MATR3: variants seen among roughly 807,000 people sequenced by gnomAD.
The protein encoded by MATR3 is matrin 3.
MATR3 carries 4 observed loss-of-function variants against 85.5 expected under a neutral mutation model. The ratio of observed to expected loss-of-function variants is 0.05; its 90% CI spans 0.02 to 0.11. MATR3 has a LOEUF of 0.11. Ranked by LOEUF, MATR3 falls within the 10% of genes least tolerant of loss-of-function variation. The pLI, the probability that MATR3 is intolerant of heterozygous loss-of-function variation, is 1.00. For synonymous variants in MATR3, 336 were observed against 343.1 expected (o/e 0.98, Z 0.23); for missense variants, 685 against 1,016.1 (o/e 0.67, Z 4.43).
chr5:139,326,457 G>A (rs1324374668), intron 14 of MATR3, among the ~76,000 whole-genome samples, 173 bp downstream of exon 14: 1 of 137,364 alleles, frequency 7.3e-6, no homozygotes, highest in Admixed American at 7.5e-5. Flanking sequence ...TTTCTCTCTT[G>A]TTGCCCAGGT....
In MATR3 at chr5:139,317,044, C is replaced by T. The variant is rs760841083; in HGVS notation, c.1130-9C>T. On this transcript the variant is annotated splice_polypyrimidine_tract_variant and intron_variant, in intron 5 of 14. Coordinates refer to ENST00000394805, the MANE Select transcript of MATR3 (RefSeq NM_018834.6). ...ATTACAAGACTGAAAACTTTCTCTT[C>T]CCATAAAGGTGCTGGAAATGGAAAC... The T allele has an allele frequency of 1.1e-5, 18 of 1,599,466 alleles. No individual in the cohort carries two copies. The highest frequency in any genetic ancestry group is 1.7e-4 in the Middle Eastern group (1 of 5,980).
chr5:139,313,756 G>T (rs1374713150), intron 2 of MATR3: 1 of 152,080 alleles, frequency 6.6e-6, no homozygotes, highest in Admixed American at 6.5e-5. Flanking sequence ...TGATAAATGG[G>T]ATTCGTTTTC....
intron 10 of MATR3, 117 bp downstream of exon 10, chr5:139,322,146 A>G: frequency 7.9e-7 from 1 of 1,271,718 alleles, no homozygotes; most frequent in Non-Finnish European, 1.1e-6. Flanking sequence ...ACCTATTGAA[A>G]TAAGTTATTG....
chr5:139,281,492 G>A (rs775860336), intron 3 of MATR3, among the ~76,000 whole-genome samples: 1 of 151,086 alleles, frequency 6.6e-6, no homozygotes, highest in African/African-American at 2.4e-5. Context: ...ATAGTCACAC[G>A]CCACCACACC....
intron 1 of MATR3, among the ~76,000 whole-genome samples, chr5:139,299,239 C>T (rs1754317832): frequency 6.6e-6 from 1 of 152,138 alleles, no homozygotes; most frequent in African/African-American, 2.4e-5. Flanking sequence ...GGATGCCTCC[C>T]AGCTAATAAT....
At chr5:139,313,799 A>AT (rs1193287916) in intron 2 of MATR3, 2 of 152,212 alleles carry the variant, frequency 1.3e-5, no homozygotes, top group Non-Finnish European at 2.9e-5. Context: ...TCATGTTAGC[A>AT]TTTTATGGTA....
intron 13 of MATR3, 37 bp downstream of exon 13, chr5:139,325,699 C>G (rs770473705): frequency 6.5e-7 from 1 of 1,536,260 alleles, no homozygotes; most frequent in Non-Finnish European, 9.0e-7. Flanking sequence ...CTTCCTCACT[C>G]TCCTCAAAAC....
At chr5:139,324,942 A>T (rs1330044287) in intron 12 of MATR3, among the ~76,000 whole-genome samples, 1 of 152,138 alleles carries the variant, frequency 6.6e-6, no homozygotes, top group African/African-American at 2.4e-5. Flanking sequence ...CTGTAATCCT[A>T]GCACTTTGGG....
chr5:139,314,901 T>A (rs1239844009), intron 3 of MATR3, 165 bp downstream of exon 3: 1 of 635,308 alleles, frequency 1.6e-6, no homozygotes, highest in Admixed American at 2.5e-5. Context: ...GATCTGGAAA[T>A]TTCATATTGA....
At position 139,287,601 on chromosome 5, in the gene MATR3, G is replaced by A. The variant is rs538429538; in HGVS notation, c.-178+8472G>A. 3.9e-5 allele frequency among the ~76,000 whole-genome samples: 6 copies of A among 151,902 alleles called. No homozygotes were observed. The South Asian group carries it at 6.2e-4, about 16-fold the overall frequency. ...GCCATTGCACACTAGCCTGGGCAAC[G>A]AGCAAAACTCCGTCTCTAAAAAAAA... On this transcript the variant is annotated intron_variant, in intron 3 of 16. Coordinates refer to ENST00000509990, the Ensembl canonical transcript of MATR3.
At chr5:139,319,304 T>G (rs1488345499) in intron 8 of MATR3, 30 bp from the exon 9 acceptor site, 3 of 1,600,756 alleles carry the variant, frequency 1.9e-6, no homozygotes, top group African/African-American at 1.3e-5. Flanking sequence ...TATTGCACAT[T>G]TGTCCTTTTG....
At position 139,288,372 on chromosome 5, in the gene MATR3, C is replaced by T. The variant is rs191607519; in HGVS notation, c.-178+9243C>T. Among the ~76,000 whole-genome samples the T allele has an allele frequency of 1.8e-3, 277 of 152,316 alleles. 1 individual carries two copies. Among genetic ancestry groups the T allele is most frequent in the African/African-American group, 6.3e-3 (261 of 41,578 alleles). The stretch of plus-strand genomic sequence containing the variant: ...CGTTGAAAAAGTTTGACTTTCTCTG[C>T]ACGATCACCAGATGGCATTAGAACC... On this transcript the variant is annotated intron_variant, in intron 3 of 16. Transcript: ENST00000509990.
upstream of MATR3, among the ~76,000 whole-genome samples, chr5:139,292,295 C>T (rs1753901744): frequency 6.6e-6 from 1 of 152,132 alleles, no homozygotes; most frequent in African/African-American, 2.4e-5. Flanking sequence ...GTTTTGTGAT[C>T]TACCAAATGG....
intron 7 of MATR3, among the ~76,000 whole-genome samples, chr5:139,317,944 T>C (rs1755337228): frequency 6.6e-6 from 1 of 152,204 alleles, no homozygotes; most frequent in African/African-American, 2.4e-5. Context: ...ATTGTCATTA[T>C]ACTACTATAA....
At chr5:139,304,028 T>C (rs899513121) in intron 1 of MATR3, among the ~76,000 whole-genome samples, 13 of 152,164 alleles carry the variant, frequency 8.5e-5, no homozygotes, top group Admixed American at 3.3e-4. Context: ...TCTCATGTAA[T>C]GGGAGGTAGA....
chr5:139,327,766 C>G (rs1233142809), intron 14 of MATR3, among the ~76,000 whole-genome samples: 4 of 151,904 alleles, frequency 2.6e-5, no homozygotes, highest in Non-Finnish European at 5.9e-5. Context: ...TGTTTGGGGT[C>G]AAAAACTATA....
intron 3 of MATR3, among the ~76,000 whole-genome samples, chr5:139,287,931 C>G (rs190799411): frequency 6.6e-6 from 1 of 152,136 alleles, no homozygotes; most frequent in South Asian, 2.1e-4. Context: ...ATTTTGGTGG[C>G]CGGGCATGGT....
intron 2 of MATR3, among the ~76,000 whole-genome samples, chr5:139,308,548 A>G (rs1406226402): frequency 1.3e-5 from 2 of 152,206 alleles, no homozygotes; most frequent in Non-Finnish European, 2.9e-5. Context: ...CCACAAAGCT[A>G]TCATCCACTG....
intron 1 of MATR3, chr5:139,294,006 A>G: frequency 7.8e-7 from 1 of 1,286,004 alleles, no homozygotes; most frequent in Non-Finnish European, 9.9e-7. Flanking sequence ...TGGCGGCGCA[A>G]CCAGCCTTCT....
Sources: allele counts gnomAD v4.1 joint callset (sites outside exome capture counted in the v4.1 genomes callset), GRCh38; gene constraint gnomAD v4.1.1; transcripts MANE v1.5; gene names NCBI Gene and HGNC (gene_info 2026-07-23, HGNC 2026-07-21).